Variants in NUP214 observed in about 807,000 individuals in gnomAD.
The protein encoded by NUP214 is nuclear pore complex protein Nup214.
NUP214 carries 79 observed loss-of-function variants against 196.2 expected under a neutral mutation model. The observed-to-expected ratio is 0.40, with a 90% CI of 0.34 to 0.49. The LOEUF is 0.49. Among genes scored for constraint, NUP214 ranks in the 20% least tolerant of loss-of-function variants. NUP214 has a pLI of 0.58. For synonymous variants in NUP214, 1,020 were observed against 990.5 expected, an observed-to-expected ratio of 1.03 and a Z score of -0.56; for missense variants, 2,468 against 2,539.0, an observed-to-expected ratio of 0.97 and a Z score of 0.60.
intron 33 of NUP214, chr9:131,228,789 C>G (rs78236891): frequency 0.04 from 6,194 of 153,508 alleles, 164 homozygotes; most frequent in African/African-American, 0.078. Context: ...TCCCCTGCAG[C>G]CCCCCAGAGT....
At chr9:131,159,272 A>G (rs1343845041) in intron 17 of NUP214, 111 bp from the exon 18 acceptor site, 2 of 720,322 alleles carry the variant, frequency 2.8e-6, no homozygotes, top group East Asian at 5.4e-5. Context: ...TTCCTTGTTC[A>G]TTATGGTTCT....
At chr9:131,213,501 C>T (rs1834304705) in intron 30 of NUP214, among the ~76,000 whole-genome samples, 1 of 152,154 alleles carries the variant, frequency 6.6e-6, no homozygotes, top group Admixed American at 6.5e-5. Context: ...AAAAATTAAG[C>T]TGAACCATTT....
At chr9:131,141,237 G>A (rs956138496) in intron 11 of NUP214, among the ~76,000 whole-genome samples, 1 of 151,564 alleles carries the variant, frequency 6.6e-6, no homozygotes, top group Non-Finnish European at 1.5e-5. Flanking sequence ...TCTAAATGGT[G>A]GTTATTTCTG....
chr9:131,217,296 T>A (rs1285181621), intron 31 of NUP214, among the ~76,000 whole-genome samples: 1 of 152,258 alleles, frequency 6.6e-6, no homozygotes, highest in African/African-American at 2.4e-5. Flanking sequence ...AATTATGTAA[T>A]CAGAAGTTTT....
chr9:131,214,323 G>A (rs1009282000), intron 30 of NUP214, among the ~76,000 whole-genome samples: 2 of 152,190 alleles, frequency 1.3e-5, no homozygotes, highest in African/African-American at 4.8e-5. Flanking sequence ...TTCAGGCTCT[G>A]TTCTAAAGTG....
intron 9 of NUP214, among the ~76,000 whole-genome samples, chr9:131,138,509 C>T (rs983566726): frequency 6.6e-6 from 1 of 152,218 alleles, no homozygotes; most frequent in African/African-American, 2.4e-5. Context: ...TGAACCACTA[C>T]ATCCAGCCTG....
At chr9:131,172,563 A>G (rs1475856539) in intron 21 of NUP214, among the ~76,000 whole-genome samples, 4 of 152,190 alleles carry the variant, frequency 2.6e-5, no homozygotes, top group African/African-American at 7.2e-5. Context: ...TTCTGTGATG[A>G]TGGAAATGTT....
intron 32 of NUP214, 142 bp from the exon 33 acceptor site, chr9:131,228,018 G>A (rs1320209988): frequency 2.6e-6 from 2 of 764,560 alleles, no homozygotes; most frequent in Non-Finnish European, 3.9e-6. Flanking sequence ...CTTTACTCTA[G>A]TTCTTGCATT....
chr9:131,188,544 T>C (rs1833517447), intron 25 of NUP214, among the ~76,000 whole-genome samples: 1 of 152,262 alleles, frequency 6.6e-6, no homozygotes, highest in African/African-American at 2.4e-5. Context: ...TAAAATGGCA[T>C]TTAAGCATTT....
At chr9:131,152,317 A>G (rs1436443774) in intron 17 of NUP214, among the ~76,000 whole-genome samples, 2 of 151,972 alleles carry the variant, frequency 1.3e-5, no homozygotes, top group Non-Finnish European at 2.9e-5. Context: ...AGGTGTTACT[A>G]TGCTGCCCAG....
At chr9:131,229,768 T>TG (rs749667404) in intron 33 of NUP214, 1 of 518,918 alleles carries the variant, frequency 1.9e-6, no homozygotes, top group Non-Finnish European at 3.8e-6. Context: ...GAAAGTCCAA[T>TG]GAGAGCAGAT....
At chr9:131,168,402 G>C (rs1252440289) in intron 21 of NUP214, among the ~76,000 whole-genome samples, 1 of 152,106 alleles carries the variant, frequency 6.6e-6, no homozygotes, top group Non-Finnish European at 1.5e-5. Context: ...CTCACCTGCT[G>C]GTAGCTGGGT....
chr9:131,164,224 T>C, intron 21 of NUP214, 80 bp downstream of exon 21: 26 of 1,218,546 alleles, frequency 2.1e-5, no homozygotes, highest in African/African-American at 3.0e-5. Context: ...CACATGCACG[T>C]GTGCATGTGT....
intron 21 of NUP214, chr9:131,165,018 A>G (rs1462996089): frequency 6.6e-6 from 1 of 152,270 alleles, no homozygotes; most frequent in Non-Finnish European, 1.5e-5. Context: ...ACATAGAGCT[A>G]AATTAGATAA....
chr9:131,175,312 G>T, intron 22 of NUP214, 148 bp from the exon 23 acceptor site: 1 of 875,748 alleles, frequency 1.1e-6, no homozygotes. Flanking sequence ...AGATATAGAT[G>T]CCAGCCTGTT....
At chr9:131,223,727 A>ATTTATTTATTTTTATTTTTATTT in intron 32 of NUP214, among the ~76,000 whole-genome samples, 1 of 15,660 alleles carries the variant, frequency 6.4e-5, no homozygotes, top group South Asian at 5.1e-3. Flanking sequence ...TTATTTATTT[A>ATTTATTTATTTTTATTTTTATTT]TTTTTTTTTT....
intron 1 of NUP214, chr9:131,126,958 A>G (rs1831376876): frequency 6.6e-6 from 1 of 152,316 alleles, no homozygotes; most frequent in African/African-American, 2.4e-5. Flanking sequence ...TTTTATTAAT[A>G]GAACCACAGA....
At chr9:131,216,057 C>T (rs1312502968) in intron 31 of NUP214, among the ~76,000 whole-genome samples, 1 of 151,852 alleles carries the variant, frequency 6.6e-6, no homozygotes, top group Non-Finnish European at 1.5e-5. Flanking sequence ...CACGTGCTAT[C>T]ACGCCTGGCT....
intron 18 of NUP214, among the ~76,000 whole-genome samples, chr9:131,160,890 C>T (rs545257481): frequency 6.6e-6 from 1 of 152,246 alleles, no homozygotes; most frequent in Non-Finnish European, 1.5e-5. Flanking sequence ...GCACTTGTCT[C>T]CATGGGCAGT....
Sources: allele counts gnomAD v4.1 joint callset (sites outside exome capture counted in the v4.1 genomes callset), GRCh38; gene constraint gnomAD v4.1.1; transcripts MANE v1.5; gene names NCBI Gene and HGNC (gene_info 2026-07-23, HGNC 2026-07-21).